The following KIAA1671 variants were observed in gnomAD, a reference collection of about 807,000 sequenced individuals.
KIAA1671 encodes the protein KIAA1671, also known as uncharacterized protein KIAA1671.
A neutral mutation model predicts 131.2 loss-of-function variants in KIAA1671; 52 were observed. That is an observed-to-expected ratio of 0.40 (90% CI 0.32 to 0.50). The LOEUF (loss-of-function observed/expected upper bound fraction) is 0.50. Ranked by LOEUF, KIAA1671 falls within the 20% of genes least tolerant of loss-of-function variation. The pLI, the probability that KIAA1671 is intolerant of heterozygous loss-of-function variation, is 0.73. For missense variants in KIAA1671, 2,360 were observed against 2,364.2 expected, an observed-to-expected ratio of 1.00 and a Z score of 0.04; for synonymous variants, 1,003 against 961.6, an observed-to-expected ratio of 1.04 and a Z score of -0.80.
At chr22:25,017,415 G>T (rs1191529183) in intron 1 of KIAA1671, among the ~76,000 whole-genome samples, 1 of 152,124 alleles carries the variant, frequency 6.6e-6, no homozygotes, top group African/African-American at 2.4e-5. Flanking sequence ...GTAACTTCTG[G>T]ATGTTGCCAT....
chr22:25,040,660 G>T lies in KIAA1671; in HGVS notation c.3530G>T (p.Arg1177Met). 1 of 1,552,102 alleles carries T rather than the reference G, an allele frequency of 6.4e-7. No individual in the cohort carries two copies. The change falls in exon 5 of 13, where the codon AGG (arginine) becomes ATG (methionine). Residue 1177 changes from arginine to methionine, a missense_variant. Around this residue, in one of 3 missense-constraint regions of KIAA1671, gnomAD observed 1,161 missense variants for 1,204.7 expected, o/e 0.96. Transcript: ENST00000358431. ...CGTCCAAAAGATCTTCCTGTGAGAA[G>T]GAAGACTGATGTGATCAGTGACACG... ...RSRPKDLPVR[R>M]KTDVISDTFP...
At chr22:25,036,886 T>C (rs976164174) in intron 4 of KIAA1671, among the ~76,000 whole-genome samples, 4 of 151,926 alleles carry the variant, frequency 2.6e-5, no homozygotes, top group Non-Finnish European at 5.9e-5. Flanking sequence ...ATCGCGCCAT[T>C]GTACTCCAGC....
rs1159048794 is a variant in KIAA1671, at chr22:25,043,667, C to G, written c.4395+2142C>G. On this transcript the variant is annotated intron_variant, in intron 5 of 12. Transcript: ENST00000358431. ...CACTGGAGAGGTGGCCCAAGGTGTC[C>G]TGGAGGAGTCGGTGGTCTCAGCCCA... is the stretch of plus-strand genomic sequence containing the variant. Among the ~76,000 whole-genome samples, 15 of 152,074 alleles carry G rather than the reference C, an allele frequency of 9.9e-5. 1 individual carries two copies. The highest frequency in any genetic ancestry group is 4.4e-5 in the Non-Finnish European group (3 of 68,012).
intron 1 of KIAA1671, among the ~76,000 whole-genome samples, chr22:25,019,093 T>TGTG (rs56396537): frequency 1.4e-5 from 2 of 146,242 alleles, no homozygotes; most frequent in Middle Eastern, 3.5e-3. Flanking sequence ...TGTGTGTGTG[T>TGTG]TTTAATTAAG....
In KIAA1671 at chr22:25,029,001, G is replaced by C; in HGVS notation, c.1002G>C (p.Glu334Asp). The C allele has an allele frequency of 5.9e-6, 9 of 1,513,360 alleles. No homozygotes were observed. The highest frequency in any genetic ancestry group is 8.0e-6 in the Non-Finnish European group (9 of 1,129,844). 93.7% of individuals were successfully genotyped at this position (1,513,360 alleles called of 1,614,324 possible). ...ACAGGGACTGTTTGGTCAAGGCGGA[G>C]GCTCCTCTTCATGATCCTGATTTGG... The part of the protein sequence containing the change: ...KLDRDCLVKA[E>D]APLHDPDLDF... The change falls in exon 3 of 13, where the codon GAG becomes GAC. Residue 334 changes from glutamate to aspartate, a missense_variant. Physicochemically the swap from Glu to Asp is conservative, Grantham distance 45 (BLOSUM62 2). Coordinates refer to ENST00000358431, the MANE Select transcript of KIAA1671 (RefSeq NM_001145206.2).
At chr22:24,977,065 T>C (rs886595009) in intron 1 of KIAA1671, among the ~76,000 whole-genome samples, 6 of 152,154 alleles carry the variant, frequency 3.9e-5, no homozygotes, top group Non-Finnish European at 8.8e-5. Context: ...CTCAGAGAGC[T>C]GTCATGAGGA....
At chr22:24,965,828 A>G (rs540515584) in intron 1 of KIAA1671, among the ~76,000 whole-genome samples, 2 of 152,204 alleles carry the variant, frequency 1.3e-5, no homozygotes. Flanking sequence ...TTTATAAATC[A>G]TAATGTAAAT....
intron 1 of KIAA1671, among the ~76,000 whole-genome samples, chr22:24,995,474 A>G (rs1188514275): frequency 6.6e-6 from 1 of 151,428 alleles, no homozygotes; most frequent in Non-Finnish European, 1.5e-5. Context: ...CTCCTACCTC[A>G]GCCTCCCTAG....
At chr22:25,178,613 G>A (rs373540513) in intron 9 of KIAA1671, among the ~76,000 whole-genome samples, 2 of 152,348 alleles carry the variant, frequency 1.3e-5, no homozygotes, top group East Asian at 3.9e-4. Context: ...ACAACCTCTA[G>A]ACCATGCAGC....
intron 1 of KIAA1671, among the ~76,000 whole-genome samples, chr22:25,006,331 CT>C (rs1924752466): frequency 6.6e-6 from 1 of 152,094 alleles, no homozygotes; most frequent in African/African-American, 2.4e-5. Flanking sequence ...TGTACCTGGC[CT>C]TAATGACATT....
At chr22:25,114,182 A>G (rs1403655482) in intron 6 of KIAA1671, among the ~76,000 whole-genome samples, 4 of 152,190 alleles carry the variant, frequency 2.6e-5, no homozygotes, top group Non-Finnish European at 5.9e-5. Context: ...TTCAAGCTTC[A>G]GGCTCCTTCC....
In KIAA1671 at chr22:25,110,671, G is replaced by A. The variant is rs139104888; in HGVS notation, c.4531-60149G>A. Among the ~76,000 whole-genome samples, 47 of 152,318 alleles carry A rather than the reference G, an allele frequency of 3.1e-4. No individual in the cohort carries two copies. The East Asian group carries it at 8.1e-3, about 26-fold the overall frequency. On this transcript the variant is annotated intron_variant, in intron 6 of 12. Transcript: ENST00000358431. ...CTGACATGTTTGGGATCTCCAGGCA[G>A]AGGACAGAAAACCTGCATGGGTCAG... is the stretch of plus-strand genomic sequence containing the variant.
intron 6 of KIAA1671, among the ~76,000 whole-genome samples, chr22:25,100,682 G>A (rs921381557): frequency 1.3e-5 from 2 of 152,196 alleles, no homozygotes; most frequent in Non-Finnish European, 2.9e-5. Flanking sequence ...GCAGTAGGGC[G>A]CACAGTAGGC....
Position 24,952,806 on chromosome 22 carries a change from C to A in KIAA1671, c.-208+34C>A. On this transcript the variant is annotated intron_variant, in intron 1 of 12. Transcript: ENST00000358431. The surrounding 1 kb of genome is among the most constrained non-coding windows in gnomAD (Gnocchi z 4.5). Reference sequence around the variant, plus strand: ...CGCAGCGGCTGCGGGCAGTGGGGGCCGGCTGGCCGCCTCCTGTCCCCGGCC... The same window carrying A: ...CGCAGCGGCTGCGGGCAGTGGGGGCAGGCTGGCCGCCTCCTGTCCCCGGCC... 6.6e-6 allele frequency: 1 copy of A among 152,418 alleles called. No individual in the cohort carries two copies. The highest frequency in any genetic ancestry group is 1.9e-4 in the South Asian group (1 of 5,396). The allele number at this position is 152,418 out of a possible 1,614,324, so 9.4% of individuals were successfully genotyped here.
At chr22:25,031,778 C>T (rs1277878067) in intron 3 of KIAA1671, among the ~76,000 whole-genome samples, 9 of 152,158 alleles carry the variant, frequency 5.9e-5, no homozygotes, top group African/African-American at 2.2e-4. Flanking sequence ...CTTGGAGAGG[C>T]CGTGTGATTA....
intron 6 of KIAA1671, among the ~76,000 whole-genome samples, chr22:25,146,810 T>C (rs1276235960): frequency 6.6e-6 from 1 of 152,224 alleles, no homozygotes; most frequent in African/African-American, 2.4e-5. Flanking sequence ...GCCCAATCAG[T>C]GTTTAAAAAC....
intron 1 of KIAA1671, among the ~76,000 whole-genome samples, chr22:25,007,435 G>A (rs1041056803): frequency 6.6e-6 from 1 of 151,556 alleles, no homozygotes; most frequent in African/African-American, 2.4e-5. Context: ...GCAGTGAGCC[G>A]AGATCACGCC....
chr22:25,110,617 AGCTGCTGCCCACCCCCTTCT>A (rs1344192931), intron 6 of KIAA1671, among the ~76,000 whole-genome samples: 1 of 152,200 alleles, frequency 6.6e-6, no homozygotes, highest in East Asian at 1.9e-4. Flanking sequence ...TCCAGGATCC[AGCTGCTGCCCACCCCCTTCT>A]AACAACCCCT....
chr22:25,166,005 G>A (rs780505670), intron 6 of KIAA1671, among the ~76,000 whole-genome samples: 20 of 152,178 alleles, frequency 1.3e-4, no homozygotes, highest in Non-Finnish European at 1.3e-4. Flanking sequence ...GCCCTTACCC[G>A]GAGGGACGTG....
Sources: allele counts gnomAD v4.1 joint callset (sites outside exome capture counted in the v4.1 genomes callset), GRCh38; gene constraint gnomAD v4.1.1; regional missense constraint gnomAD v4.1.1; non-coding constraint Gnocchi (gnomAD v3.1); transcripts MANE v1.5; gene names NCBI Gene and HGNC (gene_info 2026-07-23, HGNC 2026-07-21).